The following ENOX1 variants were observed in gnomAD, a reference collection of about 807,000 sequenced individuals.
The protein encoded by ENOX1 is candidate growth-related and time keeping constitutive hydroquinone (NADH) oxidase.
Under a neutral mutation model 82.5 loss-of-function variants are expected in ENOX1, and 42 were observed. The ratio of observed to expected loss-of-function variants is 0.51; its 90% CI spans 0.40 to 0.66. The LOEUF is 0.66. ENOX1 is among the 30% of genes least tolerant of loss of function. The probability of loss-of-function intolerance (pLI) is 0.00; values close to 1 mark genes in which losing one functional copy is unlikely to be tolerated. For missense variants in ENOX1, 608 were observed against 811.6 expected (o/e 0.75, Z 3.05); for synonymous variants, 271 against 282.2 (o/e 0.96, Z 0.40).
At chr13:43,638,787 A>C (rs182173118) in intron 2 of ENOX1, among the ~76,000 whole-genome samples, 12 of 152,324 alleles carry the variant, frequency 7.9e-5, no homozygotes, top group African/African-American at 2.9e-4. Flanking sequence ...CTGATGATAA[A>C]GGATGCTATG....
intron 2 of ENOX1, among the ~76,000 whole-genome samples, chr13:43,588,289 G>C (rs1044416754): frequency 2.6e-5 from 4 of 152,096 alleles, no homozygotes; most frequent in Non-Finnish European, 5.9e-5. Context: ...AAGTGCTTTG[G>C]AGTGAAAACA....
chr13:43,743,592 C>T (rs990002345), intron 1 of ENOX1, among the ~76,000 whole-genome samples: 1 of 152,170 alleles, frequency 6.6e-6, no homozygotes, highest in Non-Finnish European at 1.5e-5. Flanking sequence ...GCTCCTAAAG[C>T]TCTAGTGTCC....
intron 2 of ENOX1, among the ~76,000 whole-genome samples, chr13:43,579,692 A>G (rs1450476947): frequency 6.6e-6 from 1 of 152,248 alleles, no homozygotes; most frequent in Middle Eastern, 3.2e-3. Context: ...ATGCTTGCTC[A>G]GAAGGCTCAT....
At chr13:43,539,747 C>T (rs1238081166) in intron 2 of ENOX1, among the ~76,000 whole-genome samples, 3 of 152,086 alleles carry the variant, frequency 2.0e-5, no homozygotes, top group African/African-American at 4.8e-5. Flanking sequence ...CTCTCAATTC[C>T]TGAAAGAGAT....
chr13:43,353,673 T>A (rs2049956083), intron 8 of ENOX1, among the ~76,000 whole-genome samples: 1 of 152,238 alleles, frequency 6.6e-6, no homozygotes, highest in Non-Finnish European at 1.5e-5. Flanking sequence ...AACTCTATGC[T>A]TGGGTTGAAA....
rs2079546344 is a variant in ENOX1 at position 43,558,752 on chromosome 13, C to T, written c.-218-74600G>A. Among the ~76,000 whole-genome samples, 3 of 152,102 alleles carry T rather than the reference C, an allele frequency of 2.0e-5. No homozygotes were observed. In the South Asian group the frequency reaches 6.2e-4, roughly 32 times the overall value. ...ATAGATGAGAAATCAATGAAAGATA[C>T]AGAGACTAAAGAGAAGTAGAGTTTT... is the stretch of plus-strand genomic sequence containing the variant. On this transcript the variant is annotated intron_variant, in intron 2 of 16. Coordinates refer to ENST00000690772, the MANE Select transcript of ENOX1 (RefSeq NM_001347969.2).
chr13:43,758,966 A>G (rs1950807594), intron 1 of ENOX1, among the ~76,000 whole-genome samples: 1 of 152,218 alleles, frequency 6.6e-6, no homozygotes, highest in African/African-American at 2.4e-5. Context: ...CAGCAGTCTG[A>G]GCAAAGGAAA....
chr13:43,470,387 C>CGTATATATAT lies in ENOX1; in HGVS notation c.-75+13612_-75+13621dup, dbSNP rs2058011250. Among the ~76,000 whole-genome samples the CGTATATATAT allele has an allele frequency of 3.9e-5, 2 of 51,506 alleles. 1 individual carries two copies. The highest frequency in any genetic ancestry group is 1.5e-4 in the African/African-American group (2 of 13,576). The allele number at this position is 51,506 out of a possible 152,430, so 33.8% of individuals were successfully genotyped here. A position where few individuals can be genotyped will look rare whatever the true frequency, so the allele number is the denominator to read the frequency against. ...ATACGTATATATATACATATATATA[C>CGTATATATAT]GTATATATATGTGTATATATATATA... On this transcript the variant is annotated intron_variant, in intron 3 of 16. Coordinates refer to ENST00000690772, the MANE Select transcript of ENOX1 (RefSeq NM_001347969.2).
At chr13:43,250,754 G>A (rs2043407954) in intron 14 of ENOX1, among the ~76,000 whole-genome samples, 2 of 152,104 alleles carry the variant, frequency 1.3e-5, no homozygotes, top group Admixed American at 6.5e-5. Flanking sequence ...AGTGGTTCCT[G>A]CTATCAAAGA....
At chr13:43,712,397 C>T (rs560074960) in intron 1 of ENOX1, among the ~76,000 whole-genome samples, 12 of 151,764 alleles carry the variant, frequency 7.9e-5, no homozygotes, top group South Asian at 4.2e-4. Context: ...ATTGACTTGG[C>T]GATGTGGGCT....
chr13:43,327,101 C>T (rs139308212), intron 9 of ENOX1, among the ~76,000 whole-genome samples: 1 of 152,146 alleles, frequency 6.6e-6, no homozygotes, highest in Non-Finnish European at 1.5e-5. Flanking sequence ...GCTCCTTTTT[C>T]CTCCCCCTGT....
chr13:43,462,795 C>T (rs1307276365), intron 3 of ENOX1, among the ~76,000 whole-genome samples: 1 of 152,074 alleles, frequency 6.6e-6, no homozygotes, highest in Non-Finnish European at 1.5e-5. Context: ...AACCTCACTC[C>T]CAGGAAATTA....
chr13:43,519,203 A>G (rs774927946), intron 2 of ENOX1, among the ~76,000 whole-genome samples: 4 of 152,158 alleles, frequency 2.6e-5, no homozygotes, highest in African/African-American at 4.8e-5. Context: ...ACTGAGATAC[A>G]TATTAGTTCT....
At position 43,236,593 on chromosome 13, in the gene ENOX1, T is replaced by C. The variant is rs367895284; in HGVS notation, c.1714+43A>G. 6 of 1,224,566 alleles carry C rather than the reference T, an allele frequency of 4.9e-6. No individual in the cohort carries two copies. The African/African-American group carries it at 9.4e-5, about 19-fold the overall frequency. 75.9% of individuals were successfully genotyped at this position (1,224,566 alleles called of 1,614,324 possible). On this transcript the variant is annotated intron_variant, in intron 15 of 16. Coordinates refer to ENST00000690772, the MANE Select transcript of ENOX1 (RefSeq NM_001347969.2). ...CTAAAATATTAAGTTAATTACCTAA[T>C]AATTATTTAAGAGAACAGATGAAGA...
chr13:43,726,753 T>A (rs9525829), intron 1 of ENOX1, among the ~76,000 whole-genome samples: 12,760 of 140,812 alleles, frequency 0.091, 579 homozygotes, highest in South Asian at 0.13. Context: ...TGTGTGTGTG[T>A]GAGAGAGAGA....
At chr13:43,766,024 C>A (rs532959809) in intron 1 of ENOX1, among the ~76,000 whole-genome samples, 1 of 152,248 alleles carries the variant, frequency 6.6e-6, no homozygotes, top group African/African-American at 2.4e-5. Flanking sequence ...CTCTAAAAGA[C>A]AAAAGAATCA....
chr13:43,613,288 T>C (rs955443948), intron 2 of ENOX1, among the ~76,000 whole-genome samples: 8 of 152,202 alleles, frequency 5.3e-5, no homozygotes, highest in African/African-American at 1.7e-4. Context: ...AGGAAGTCTA[T>C]TGTATTTATA....
intron 1 of ENOX1, among the ~76,000 whole-genome samples, chr13:43,734,638 T>G (rs541810868): frequency 6.6e-6 from 1 of 152,284 alleles, no homozygotes; most frequent in Non-Finnish European, 1.5e-5. Context: ...CTCAAAAACT[T>G]CATGCTTCAA....
intron 3 of ENOX1, among the ~76,000 whole-genome samples, chr13:43,417,724 C>T (rs1158522839): frequency 6.6e-6 from 1 of 152,074 alleles, no homozygotes; most frequent in Non-Finnish European, 1.5e-5. Flanking sequence ...ATAATTATTA[C>T]TATTTTATTT....
Sources: gnomAD v4.1 joint callset for allele counts (sites outside exome capture counted in the v4.1 genomes callset) on GRCh38, gnomAD v4.1.1 for gene constraint, MANE v1.5 for transcripts, NCBI Gene and HGNC (gene_info 2026-07-23, HGNC 2026-07-21) for gene names.